SNX30: variants seen among roughly 807,000 people sequenced by gnomAD.
SNX30 encodes the protein sorting nexin-30.
A neutral mutation model predicts 46.4 loss-of-function variants in SNX30; 24 were observed. That is an observed-to-expected ratio of 0.52 (90% CI 0.37 to 0.73). The LOEUF (loss-of-function observed/expected upper bound fraction) is 0.73, where lower values mean the gene tolerates loss of function less well. SNX30 is among the 30% of genes least tolerant of loss of function. The probability of loss-of-function intolerance (pLI) is 0.00; values close to 1 mark genes in which losing one functional copy is unlikely to be tolerated. For missense variants in SNX30, 533 were observed against 555.7 expected, an observed-to-expected ratio of 0.96 and a Z score of 0.41; for synonymous variants, 189 against 211.5, an observed-to-expected ratio of 0.89 and a Z score of 0.92.
At chr9:112,821,823 GT>G (rs1441968785) in intron 3 of SNX30, among the ~76,000 whole-genome samples, 2 of 144,716 alleles carry the variant, frequency 1.4e-5, no homozygotes, top group African/African-American at 5.1e-5. Context: ...CAGGAATGTT[GT>G]TTTGTCACCC....
At chr9:112,852,607 A>G (rs768378306) in intron 7 of SNX30, among the ~76,000 whole-genome samples, 1 of 152,112 alleles carries the variant, frequency 6.6e-6, no homozygotes, top group Non-Finnish European at 1.5e-5. Flanking sequence ...TATTATCCCC[A>G]TTTGAGAGAT....
intron 6 of SNX30, among the ~76,000 whole-genome samples, chr9:112,849,693 C>T (rs1017276663): frequency 6.6e-6 from 1 of 152,204 alleles, no homozygotes; most frequent in East Asian, 1.9e-4. Context: ...GAAGGTTGAA[C>T]CCACAACACT....
intron 2 of SNX30, among the ~76,000 whole-genome samples, chr9:112,807,861 C>T (rs761990155): frequency 1.4e-4 from 21 of 152,238 alleles, no homozygotes; most frequent in Non-Finnish European, 2.8e-4. Flanking sequence ...TATCCCTTCT[C>T]TTGGGCTTGA....
chr9:112,853,737 G>C (rs1841071331), intron 7 of SNX30, among the ~76,000 whole-genome samples: 1 of 152,200 alleles, frequency 6.6e-6, no homozygotes, highest in African/African-American at 2.4e-5. Context: ...TGGTCAAAAG[G>C]TACAAACTTT....
intron 1 of SNX30, among the ~76,000 whole-genome samples, chr9:112,758,678 G>A (rs1419433510): frequency 1.3e-5 from 2 of 152,196 alleles, no homozygotes; most frequent in Non-Finnish European, 2.9e-5. Flanking sequence ...TTACAGTTGT[G>A]AGCCACCATG....
intron 1 of SNX30, among the ~76,000 whole-genome samples, chr9:112,775,544 G>T (rs879432564): frequency 0.12 from 7,780 of 66,786 alleles, 235 homozygotes; most frequent in Non-Finnish European, 0.17. Context: ...TTTTAAATTT[G>T]TGTGTGTGTG....
At chr9:112,824,533 T>G (rs530881386) in intron 3 of SNX30, among the ~76,000 whole-genome samples, 16 of 151,818 alleles carry the variant, frequency 1.1e-4, no homozygotes, top group Admixed American at 3.9e-4. Context: ...CCCAGGTGTT[T>G]TTTTTTTTTT....
chr9:112,845,804 G>A (rs1840932882), intron 6 of SNX30, among the ~76,000 whole-genome samples: 1 of 152,212 alleles, frequency 6.6e-6, no homozygotes, highest in South Asian at 2.1e-4. Flanking sequence ...TGTGCAGAGA[G>A]CTTTCAATCC....
At chr9:112,770,495 A>G (rs1025584885) in intron 1 of SNX30, among the ~76,000 whole-genome samples, 10 of 151,858 alleles carry the variant, frequency 6.6e-5, no homozygotes, top group African/African-American at 9.7e-5. Context: ...GCTTGAAACC[A>G]TCCAGAGACT....
intron 6 of SNX30, among the ~76,000 whole-genome samples, chr9:112,845,413 C>T (rs976827035): frequency 6.6e-6 from 1 of 152,220 alleles, no homozygotes; most frequent in African/African-American, 2.4e-5. Flanking sequence ...TGAGGTAGAG[C>T]TGAAGAGAAG....
chr9:112,785,319 G>GATCCTCCCACCTC (rs1215723804), intron 1 of SNX30, among the ~76,000 whole-genome samples: 1 of 151,160 alleles, frequency 6.6e-6, no homozygotes, highest in Non-Finnish European at 1.5e-5. Flanking sequence ...GGGCTTAAGC[G>GATCCTCCCACCTC]ATCCTCCCAC....
At chr9:112,750,385 G>A (rs573860359), upstream of SNX30, 3 of 152,360 alleles carry the variant, frequency 2.0e-5, no homozygotes, top group Non-Finnish European at 2.9e-5. Context: ...GTGCCTTAGA[G>A]GCCAGAAGAC....
downstream of SNX30, among the ~76,000 whole-genome samples, chr9:112,875,608 T>C (rs769888332): frequency 1.6e-4 from 25 of 152,214 alleles, 1 homozygote; most frequent in Non-Finnish European, 1.3e-4. Context: ...GGGTTGTCGA[T>C]AGGACTAGCA....
At chr9:112,769,152 G>A (rs1223767173) in intron 1 of SNX30, among the ~76,000 whole-genome samples, 1 of 152,196 alleles carries the variant, frequency 6.6e-6, no homozygotes, top group Non-Finnish European at 1.5e-5. Context: ...AAATACGTAT[G>A]TTTCTTTTGA....
rs1178508431 is a variant in SNX30, at chr9:112,847,259, T to TATCCCAGCCGTCCCGC, written c.1015-3600_1015-3599insATCCCAGCCGTCCCGC. Among the ~76,000 whole-genome samples, 17 of 152,104 alleles carry TATCCCAGCCGTCCCGC rather than the reference T, an allele frequency of 1.1e-4. No individual in the cohort carries two copies. The South Asian group carries it at 1.4e-3, about 13-fold the overall frequency. On this transcript the variant is annotated intron_variant, in intron 6 of 8. Coordinates refer to ENST00000374232, the MANE Select transcript of SNX30 (RefSeq NM_001012994.2). ...ACCCACATGTATCCCAGCCGTCCCG[T>TATCCCAGCCGTCCCGC]GCGTATCCCAGCCGTCCCGCGCATA...
intron 1 of SNX30, among the ~76,000 whole-genome samples, chr9:112,774,844 C>CTT (rs1279442088): frequency 1.8e-3 from 231 of 128,768 alleles, no homozygotes; most frequent in Admixed American, 3.9e-3. Context: ...TATTTATATG[C>CTT]TTTTTTTTTT....
chr9:112,865,672 T>TGC (rs1841324308), intron 8 of SNX30, among the ~76,000 whole-genome samples: 1 of 105,306 alleles, frequency 9.5e-6, no homozygotes, highest in Non-Finnish European at 2.0e-5. Context: ...TGTATGTATG[T>TGC]ATGCACACAC....
intron 2 of SNX30, among the ~76,000 whole-genome samples, chr9:112,810,369 G>T (rs889972789): frequency 6.6e-6 from 1 of 152,176 alleles, no homozygotes; most frequent in Admixed American, 6.5e-5. Flanking sequence ...GTCTGGTAGA[G>T]CAAGTGGGTT....
intron 1 of SNX30, among the ~76,000 whole-genome samples, chr9:112,784,642 C>G (rs1362152008): frequency 6.6e-6 from 1 of 152,194 alleles, no homozygotes; most frequent in Non-Finnish European, 1.5e-5. Context: ...TCTCACACAT[C>G]CCCAGTAATC....
Sources: allele counts gnomAD v4.1 joint callset (sites outside exome capture counted in the v4.1 genomes callset), GRCh38; gene constraint gnomAD v4.1.1; transcripts MANE v1.5; gene names NCBI Gene and HGNC (gene_info 2026-07-23, HGNC 2026-07-21).